STX2: variants seen among roughly 807,000 people sequenced by gnomAD.
STX2 encodes syntaxin 2.
In STX2, 27 loss-of-function variants were observed where a neutral mutation model predicts 40.6. The observed-to-expected ratio is 0.66, with a 90% CI of 0.49 to 0.92. STX2 has a LOEUF of 0.92. Ranked by LOEUF, STX2 falls within the 40% of genes least tolerant of loss-of-function variation. The pLI is 0.00. For synonymous variants in STX2, 123 were observed against 119.1 expected (o/e 1.03, Z -0.22); for missense variants, 328 against 366.1 (o/e 0.90, Z 0.85).
chr12:130,837,251 T>C lies in STX2; in HGVS notation c.30+1819A>G, dbSNP rs558276664. Among the ~76,000 whole-genome samples the C allele has an allele frequency of 9.4e-4, 143 of 152,168 alleles. 1 individual carries two copies. Among genetic ancestry groups the C allele is most frequent in the African/African-American group, 3.3e-3 (135 of 41,516 alleles). ...GCTTAGCCTCCTGAGTACCAAGGAC[T>C]ACAGGTGCGAGTCACACCTGGATAG... On this transcript the variant is annotated intron_variant, in intron 1 of 10. Transcript: ENST00000392373.
chr12:130,821,812 C>T (rs760528536), intron 2 of STX2, 24 bp from the exon 3 acceptor site: 5 of 1,504,208 alleles, frequency 3.3e-6, no homozygotes, highest in Non-Finnish European at 4.6e-6. Context: ...AGAGTCATTA[C>T]AGCATGGCAA....
In STX2 at chr12:130,807,103, G is replaced by T; in HGVS notation, c.355-13C>A. 2 of 1,613,146 alleles carry T rather than the reference G, an allele frequency of 1.2e-6. No homozygotes were observed. Among genetic ancestry groups the T allele is most frequent in the Non-Finnish European group, 8.5e-7 (1 of 1,179,246 alleles). ...ACAGCACCGAATGCTAACAACACAGGAAAACTACATTCGTATCTGAGGGCC... is the reference window on the plus strand; with the variant it reads ...ACAGCACCGAATGCTAACAACACAGTAAAACTACATTCGTATCTGAGGGCC... On this transcript the variant is annotated splice_polypyrimidine_tract_variant and intron_variant, in intron 5 of 10. Coordinates refer to ENST00000392373, the MANE Select transcript of STX2 (RefSeq NM_194356.4).
chr12:130,817,717 CAAAA>C (rs535001411), intron 3 of STX2, among the ~76,000 whole-genome samples: 1 of 136,210 alleles, frequency 7.3e-6, no homozygotes, highest in Admixed American at 7.4e-5. Flanking sequence ...AATTAGCTGA[CAAAA>C]AAAAAAAGTA....
intron 6 of STX2, among the ~76,000 whole-genome samples, chr12:130,805,378 G>A (rs938688784): frequency 3.3e-5 from 5 of 152,186 alleles, no homozygotes; most frequent in Admixed American, 3.3e-4. Context: ...CGGAACTCTC[G>A]TGTCAGCCAC....
At chr12:130,800,720 G>A (rs142721081) in intron 8 of STX2, among the ~76,000 whole-genome samples, 6 of 152,292 alleles carry the variant, frequency 3.9e-5, no homozygotes, top group African/African-American at 1.4e-4. Flanking sequence ...TTTGATATAC[G>A]CCTTTCCTTC....
chr12:130,812,827 A>G (rs1951711189), intron 4 of STX2, 130 bp downstream of exon 4: 1 of 670,268 alleles, frequency 1.5e-6, no homozygotes, highest in African/African-American at 1.9e-5. Context: ...AATTACATAC[A>G]AATAATTTAT....
intron 4 of STX2, among the ~76,000 whole-genome samples, chr12:130,811,773 C>T (rs921599707): frequency 2.0e-5 from 3 of 152,132 alleles, no homozygotes; most frequent in Non-Finnish European, 2.9e-5. Flanking sequence ...ATCTCCTGAC[C>T]TTGTGATCCA....
intron 1 of STX2, among the ~76,000 whole-genome samples, chr12:130,836,161 G>A (rs1483007042): frequency 1.3e-5 from 2 of 151,538 alleles, no homozygotes; most frequent in East Asian, 1.9e-4. Flanking sequence ...GCGGGGGAGG[G>A]GAATTAAACT....
In STX2 at chr12:130,812,983, G is replaced by A. The variant is rs140606447; in HGVS notation, c.254C>T (p.Ala85Val). 5.8e-6 allele frequency: 9 copies of A among 1,548,216 alleles called. No homozygotes were observed. The highest frequency in any genetic ancestry group is 1.8e-4 in the Middle Eastern group (1 of 5,632). Residue 85 changes from alanine to valine, a missense_variant, in exon 4 of 11, where the codon GCG (alanine) becomes GTG (valine). Physicochemically the swap from Ala to Val is moderately conservative, Grantham distance 64. Coordinates refer to ENST00000392373, the MANE Select transcript of STX2 (RefSeq NM_194356.4). ...CTTTAACTTGGCTCGAATTTTATTC[G>A]CAGTTTTCTTGATTTCTTTGTTCAG... is the stretch of plus-strand genomic sequence containing the variant. Reference protein sequence around the residue: ...EDLNKEIKKTANKIRAKLKAI... With the variant: ...EDLNKEIKKTVNKIRAKLKAI...
chr12:130,818,185 A>AAAAAT, intron 3 of STX2, among the ~76,000 whole-genome samples: 10 of 70,538 alleles, frequency 1.4e-4, no homozygotes, highest in African/African-American at 5.9e-4. Context: ...AAAAAAAAAA[A>AAAAAT]ATATATATAT....
intron 1 of STX2, among the ~76,000 whole-genome samples, 153 bp from the exon 2 acceptor site, chr12:130,827,420 C>G (rs896458454): frequency 5.9e-5 from 9 of 152,234 alleles, no homozygotes; most frequent in Non-Finnish European, 7.3e-5. Context: ...TCTACTCCAA[C>G]TGAACTCCGC....
At position 130,796,000 on chromosome 12, in the gene STX2, C is replaced by T. The variant is rs773097841; in HGVS notation, c.*40G>A. 13 of 1,607,550 alleles carry T rather than the reference C, an allele frequency of 8.1e-6. No homozygotes were observed. The East Asian group carries it at 1.6e-4, about 19-fold the overall frequency. On this transcript the variant is annotated 3_prime_UTR_variant, in exon 10 of 11. Transcript: ENST00000392373. Reference sequence around the variant, plus strand: ...TTAGTTGATGAGTTACTTACTCCCACCCTGGCAGAGAGGCATGCACACTGA... The same window carrying T: ...TTAGTTGATGAGTTACTTACTCCCATCCTGGCAGAGAGGCATGCACACTGA...
At chr12:130,814,996 G>A (rs1299236425) in intron 3 of STX2, among the ~76,000 whole-genome samples, 2 of 152,162 alleles carry the variant, frequency 1.3e-5, no homozygotes. Context: ...CTACTTCAGA[G>A]GCTGAGGCAG....
intron 2 of STX2, among the ~76,000 whole-genome samples, chr12:130,824,038 G>A (rs1451574487): frequency 1.3e-5 from 2 of 152,176 alleles, no homozygotes; most frequent in Non-Finnish European, 2.9e-5. Flanking sequence ...AAGGGTCTTA[G>A]GGACCCCAGG....
intron 3 of STX2, among the ~76,000 whole-genome samples, chr12:130,816,265 G>A (rs1051768508): frequency 5.9e-5 from 9 of 152,230 alleles, no homozygotes; most frequent in African/African-American, 2.2e-4. Context: ...CAAGATCTGA[G>A]AGCTGGGCCT....
At chr12:130,830,056 A>G (rs969587402) in intron 1 of STX2, among the ~76,000 whole-genome samples, 2 of 152,198 alleles carry the variant, frequency 1.3e-5, no homozygotes, top group Non-Finnish European at 2.9e-5. Flanking sequence ...TAGAAGGAAT[A>G]CTATGGTGAG....
At chr12:130,812,219 A>C (rs1423998761) in intron 4 of STX2, 6 of 290,254 alleles carry the variant, frequency 2.1e-5, no homozygotes, top group Non-Finnish European at 4.1e-5. Context: ...CTGCCTGGAT[A>C]TTCTGTACTA....
intron 4 of STX2, among the ~76,000 whole-genome samples, chr12:130,810,326 A>C (rs1209029247): frequency 6.6e-6 from 1 of 152,204 alleles, no homozygotes; most frequent in African/African-American, 2.4e-5. Flanking sequence ...TCTTAATTTA[A>C]TTTGGATTCT....
chr12:130,821,126 T>C (rs377211346), intron 3 of STX2, among the ~76,000 whole-genome samples: 1 of 152,188 alleles, frequency 6.6e-6, no homozygotes, highest in African/African-American at 2.4e-5. Flanking sequence ...CTGAGCTCCT[T>C]TCACTCTCCT....
Sources: gnomAD v4.1 joint callset for allele counts (sites outside exome capture counted in the v4.1 genomes callset) on GRCh38, gnomAD v4.1.1 for gene constraint, MANE v1.5 for transcripts, NCBI Gene and HGNC (gene_info 2026-07-23, HGNC 2026-07-21) for gene names.